HOOK3: variants seen among roughly 807,000 people sequenced by gnomAD.
HOOK3 encodes the protein protein Hook homolog 3.
A neutral mutation model predicts 116.3 loss-of-function variants in HOOK3; 24 were observed. The observed-to-expected ratio is 0.21, with a 90% CI of 0.15 to 0.29. The LOEUF (loss-of-function observed/expected upper bound fraction) is 0.29. Ranked by LOEUF, HOOK3 falls within the 10% of genes least tolerant of loss-of-function variation. The pLI is 1.00. For synonymous variants in HOOK3, 275 were observed against 283.0 expected (o/e 0.97, Z 0.28); for missense variants, 632 against 830.2 (o/e 0.76, Z 2.93).
intron 4 of HOOK3, among the ~76,000 whole-genome samples, chr8:42,940,854 G>A (rs1383202244): frequency 6.6e-6 from 1 of 152,094 alleles, no homozygotes; most frequent in Non-Finnish European, 1.5e-5. Flanking sequence ...TTTCCAACTT[G>A]GTTCCATTCT....
chr8:42,952,160 A>G lies in HOOK3; in HGVS notation c.468+1705A>G, dbSNP rs1232661311. Among the ~76,000 whole-genome samples, 10 of 152,314 alleles carry G rather than the reference A, an allele frequency of 6.6e-5. No homozygotes were observed. The East Asian group carries it at 1.9e-3, about 29-fold the overall frequency. On this transcript the variant is annotated intron_variant, in intron 6 of 21. Transcript: ENST00000307602. ...CTCCAGGCCACCCTGTCATCTGACC[A>G]ACTGCCTACAAATTCAAGGATTCCC...
chr8:42,939,527 TC>T (rs1808054289), intron 4 of HOOK3, among the ~76,000 whole-genome samples: 2 of 103,390 alleles, frequency 1.9e-5, no homozygotes, highest in South Asian at 3.7e-4. Context: ...GGGGGGCTGA[TC>T]CCCCCACCTC....
chr8:42,916,516 GT>G (rs1239577919), intron 2 of HOOK3, among the ~76,000 whole-genome samples: 1 of 152,194 alleles, frequency 6.6e-6, no homozygotes, highest in African/African-American at 2.4e-5. Context: ...TGAGGAATGA[GT>G]CCTTTTAAAT....
chr8:42,931,007 A>G (rs1173596420), intron 4 of HOOK3, among the ~76,000 whole-genome samples: 2 of 152,226 alleles, frequency 1.3e-5, no homozygotes, highest in South Asian at 2.1e-4. Context: ...TCTCCTCCTT[A>G]AAGTCCTCTG....
At chr8:42,903,556 G>C (rs936610251) in intron 1 of HOOK3, among the ~76,000 whole-genome samples, 8 of 150,282 alleles carry the variant, frequency 5.3e-5, no homozygotes, top group African/African-American at 1.9e-4. Flanking sequence ...GTGTTGGCCA[G>C]GATGGTCTCA....
Position 43,021,648 on chromosome 8 carries a change from G to T in HOOK3, c.*3150G>T, listed in dbSNP as rs1391931475. 1.8e-5 allele frequency: 3 copies of T among 166,804 alleles called. No homozygotes were observed. Among genetic ancestry groups the T allele is most frequent in the African/African-American group, 4.9e-5 (2 of 40,656 alleles). The allele number at this position is 166,804 out of a possible 1,614,324, so 10.3% of individuals were successfully genotyped here. A position where few individuals can be genotyped will look rare whatever the true frequency, so the allele number is the denominator to read the frequency against. ...ATCTGTTGTATGCTATTATTTTGAT[G>T]TTTACATTTATAATTTTCTTTCTTT... is the stretch of plus-strand genomic sequence containing the variant. On this transcript the variant is annotated 3_prime_UTR_variant, in exon 22 of 22. Coordinates refer to ENST00000307602, the MANE Select transcript of HOOK3 (RefSeq NM_032410.4).
intron 1 of HOOK3, among the ~76,000 whole-genome samples, chr8:42,902,717 C>G (rs773070): frequency 0.13 from 19,181 of 152,148 alleles, 2,049 homozygotes; most frequent in African/African-American, 0.27. Context: ...TATTTTTCCC[C>G]AATCTTTCTT....
At chr8:42,924,184 G>T (rs1166757861) in intron 2 of HOOK3, among the ~76,000 whole-genome samples, 1 of 151,968 alleles carries the variant, frequency 6.6e-6, no homozygotes. Context: ...TTTGGACTTA[G>T]CAATTGCTCA....
At chr8:42,897,646 G>C (rs901093693) in intron 1 of HOOK3, among the ~76,000 whole-genome samples, 2 of 152,226 alleles carry the variant, frequency 1.3e-5, no homozygotes, top group Non-Finnish European at 2.9e-5. Context: ...AGGCACCGCT[G>C]GCGGTGGGAG....
At chr8:42,907,726 A>G (rs1807338862) in intron 2 of HOOK3, among the ~76,000 whole-genome samples, 1 of 146,272 alleles carries the variant, frequency 6.8e-6, no homozygotes, top group African/African-American at 2.5e-5. Context: ...GTATATATAT[A>G]TATTGTTTCA....
chr8:43,005,015 G>A (rs1256384173), intron 17 of HOOK3, among the ~76,000 whole-genome samples: 2 of 151,886 alleles, frequency 1.3e-5, no homozygotes, highest in African/African-American at 4.8e-5. Context: ...ATTGAATGAG[G>A]TATATTCAAA....
chr8:42,919,355 C>T (rs549836354), intron 2 of HOOK3, among the ~76,000 whole-genome samples: 57 of 150,894 alleles, frequency 3.8e-4, no homozygotes, highest in Admixed American at 8.6e-4. Flanking sequence ...GGGTCGTGGC[C>T]GGGCAGAGGC....
intron 2 of HOOK3, among the ~76,000 whole-genome samples, chr8:42,915,494 C>T (rs537117869): frequency 1.6e-4 from 24 of 152,210 alleles, no homozygotes; most frequent in African/African-American, 3.4e-4. Flanking sequence ...AGCAATGGTG[C>T]GATTTCGGCT....
intron 16 of HOOK3, among the ~76,000 whole-genome samples, chr8:43,000,016 C>T (rs750256554): frequency 5.3e-5 from 8 of 151,992 alleles, no homozygotes; most frequent in Non-Finnish European, 1.2e-4. Context: ...GGCATGGTGG[C>T]GGGTACCTGT....
At position 43,021,128 on chromosome 8, in the gene HOOK3, A is replaced by C. The variant is rs949072109; in HGVS notation, c.*2630A>C. ...AGAAAAAAAAAAAAAAAAAAAAAAA[A>C]AAAAACAGTCTGTGAACTACTCACT... On this transcript the variant is annotated 3_prime_UTR_variant, in exon 22 of 22. Transcript: ENST00000307602. 1.0e-5 allele frequency: 2 copies of C among 195,036 alleles called. No homozygotes were observed. Among genetic ancestry groups the C allele is most frequent in the African/African-American group, 2.3e-5 (1 of 42,648 alleles). The allele number at this position is 195,036 out of a possible 1,614,324, so 12.1% of individuals were successfully genotyped here.
In HOOK3 at chr8:43,028,931, G is replaced by A. The variant is rs758709024; in HGVS notation, c.*10433G>A. ...CAAGCAAGTTATGATGATTCTTATT[G>A]TAGTTCAAGTACAGATGAGTAAGTG... is the stretch of plus-strand genomic sequence containing the variant. On this transcript the variant is annotated 3_prime_UTR_variant, in exon 22 of 22. Coordinates refer to ENST00000307602, the MANE Select transcript of HOOK3 (RefSeq NM_032410.4). 2 of 202,242 alleles carry A rather than the reference G, an allele frequency of 9.9e-6. No homozygotes were observed. Among genetic ancestry groups the A allele is most frequent in the Non-Finnish European group, 2.0e-5 (2 of 98,366 alleles). The allele number at this position is 202,242 out of a possible 1,614,324, so 12.5% of individuals were successfully genotyped here.
At chr8:42,933,697 C>T (rs1807913190) in intron 4 of HOOK3, among the ~76,000 whole-genome samples, 1 of 152,190 alleles carries the variant, frequency 6.6e-6, no homozygotes, top group South Asian at 2.1e-4. Context: ...TATTTTAAGC[C>T]CCACAAATCT....
At chr8:42,982,500 T>C in intron 13 of HOOK3, 127 bp from the exon 14 acceptor site, 1 of 657,274 alleles carries the variant, frequency 1.5e-6, no homozygotes, top group Non-Finnish European at 2.7e-6. Flanking sequence ...TTAAGACCAC[T>C]GTGACGTGGT....
At position 42,992,281 on chromosome 8, in the gene HOOK3, T is replaced by C. The variant is rs571831792; in HGVS notation, c.1533-5269T>C. 7.5e-5 allele frequency among the ~76,000 whole-genome samples: 11 copies of C among 146,338 alleles called. No individual in the cohort carries two copies. In the South Asian group the frequency reaches 2.2e-3, roughly 29 times the overall value. ...TAGGCGTGGTGGTGAGCGCCTGTAG[T>C]CCCAACTACTCAGGAGGCTGAGGCA... On this transcript the variant is annotated intron_variant, in intron 15 of 21. Coordinates refer to ENST00000307602, the MANE Select transcript of HOOK3 (RefSeq NM_032410.4).
Sources: gnomAD v4.1 joint callset for allele counts (sites outside exome capture counted in the v4.1 genomes callset) on GRCh38, gnomAD v4.1.1 for gene constraint, MANE v1.5 for transcripts, NCBI Gene and HGNC (gene_info 2026-07-23, HGNC 2026-07-21) for gene names.